SLC38A6: variants seen among roughly 807,000 people sequenced by gnomAD.
The protein encoded by SLC38A6 is solute carrier family 38 member 6.
In SLC38A6, 73 loss-of-function variants were observed where a neutral mutation model predicts 65.0. That is an observed-to-expected ratio of 1.12 (90% CI 0.93 to 1.37). The LOEUF is 1.37. SLC38A6 is among the 40% of genes most tolerant of loss of function. SLC38A6 has a pLI of 0.00. For missense variants in SLC38A6, 561 were observed against 531.1 expected (o/e 1.06, Z -0.55); for synonymous variants, 183 against 178.8 (o/e 1.02, Z -0.19).
At chr14:61,014,925 A>G (rs2039879956) in intron 3 of SLC38A6, among the ~76,000 whole-genome samples, 1 of 152,182 alleles carries the variant, frequency 6.6e-6, no homozygotes, top group African/African-American at 2.4e-5. Flanking sequence ...AGACAGAGAC[A>G]TTTAAGTCTG....
Position 60,981,789 on chromosome 14 carries a change from A to T in SLC38A6, c.105+407A>T, listed in dbSNP as rs947366216. The stretch of plus-strand genomic sequence containing the variant: ...TTCCGACTTAGTCATGGGGGGAGGG[A>T]AAATAATAAACATTTTAATACAGAA... On this transcript the variant is annotated intron_variant, in intron 1 of 15. Transcript: ENST00000267488. 1.1e-4 allele frequency: 132 copies of T among 1,164,104 alleles called. 1 individual carries two copies. The highest frequency in any genetic ancestry group is 1.4e-4 in the Non-Finnish European group (123 of 877,858). The allele number at this position is 1,164,104 out of a possible 1,614,324, so 72.1% of individuals were successfully genotyped here. A position where few individuals can be genotyped will look rare whatever the true frequency, so the allele number is the denominator to read the frequency against.
At chr14:61,013,230 T>G (rs1040621997) in intron 3 of SLC38A6, among the ~76,000 whole-genome samples, 1 of 152,206 alleles carries the variant, frequency 6.6e-6, no homozygotes, top group African/African-American at 2.4e-5. Context: ...TGTTTTCCGT[T>G]TGCTTGGTAG....
At chr14:61,061,859 A>G (rs1413852275) in intron 15 of SLC38A6, among the ~76,000 whole-genome samples, 1 of 151,306 alleles carries the variant, frequency 6.6e-6, no homozygotes, top group Non-Finnish European at 1.5e-5. Context: ...TTGTTTTGAG[A>G]CAGAGTCTTA....
At position 61,030,520 on chromosome 14, in the gene SLC38A6, G is replaced by A. The variant is rs759091686; in HGVS notation, c.479G>A (p.Ser160Asn). ...AIAEFLTGDY[S>N]RYWYLDGQTL... The stretch of plus-strand genomic sequence containing the variant: ...GCAGAATTTTTGACTGGAGACTATA[G>A]TAGGTAAGAAAAAGTATTTTACATT... Residue 160 changes from serine (S) to asparagine (N), a missense_variant, in exon 6 of 16, where the codon AGT becomes AAT. Transcript: ENST00000267488. 3 of 1,600,674 alleles carry A rather than the reference G, an allele frequency of 1.9e-6. No homozygotes were observed. In the East Asian group the frequency reaches 6.7e-5, roughly 36 times the overall value.
intron 5 of SLC38A6, among the ~76,000 whole-genome samples, chr14:61,022,192 T>C (rs1335346297): frequency 6.6e-6 from 1 of 152,138 alleles, no homozygotes; most frequent in Non-Finnish European, 1.5e-5. Flanking sequence ...CAAAAGATGA[T>C]TTGGCCCTTT....
At chr14:60,993,100 G>A (rs1303120969) in intron 3 of SLC38A6, among the ~76,000 whole-genome samples, 2 of 152,054 alleles carry the variant, frequency 1.3e-5, no homozygotes, top group Non-Finnish European at 2.9e-5. Flanking sequence ...TGCCCACCTC[G>A]GCCTCCCAAA....
In SLC38A6 at chr14:60,982,496, G is replaced by A; in HGVS notation, c.106-12G>A. The A allele has an allele frequency of 6.2e-7, 1 of 1,601,802 alleles. No individual in the cohort carries two copies. The highest frequency in any genetic ancestry group is 8.5e-7 in the Non-Finnish European group (1 of 1,176,528). On this transcript the variant is annotated splice_polypyrimidine_tract_variant and intron_variant, in intron 1 of 15. Coordinates refer to ENST00000267488, the MANE Select transcript of SLC38A6 (RefSeq NM_153811.3). ...CCAAACATTTAACACTACTAAATTTGTGTGCTTACAGGAACTTCACAGACA... is the reference window on the plus strand; with the variant it reads ...CCAAACATTTAACACTACTAAATTTATGTGCTTACAGGAACTTCACAGACA...
At chr14:61,070,991 A>G (rs1179809765) in intron 15 of SLC38A6, among the ~76,000 whole-genome samples, 1 of 151,906 alleles carries the variant, frequency 6.6e-6, no homozygotes, top group Admixed American at 6.6e-5. Flanking sequence ...TCTCCTTAAG[A>G]TTTTTATTCT....
chr14:61,068,273 C>T (rs1256727380), intron 15 of SLC38A6, among the ~76,000 whole-genome samples: 2 of 152,142 alleles, frequency 1.3e-5, no homozygotes, highest in Non-Finnish European at 2.9e-5. Flanking sequence ...TTCTTGCTTC[C>T]ATTCCTGCTA....
At chr14:61,023,686 T>A (rs1055168302) in intron 5 of SLC38A6, among the ~76,000 whole-genome samples, 2 of 151,774 alleles carry the variant, frequency 1.3e-5, no homozygotes, top group African/African-American at 2.4e-5. Context: ...AACTCTCTTA[T>A]TCTTTGTAAC....
At chr14:61,080,919 G>A (rs1332863529) in intron 16 of SLC38A6, among the ~76,000 whole-genome samples, 3 of 152,206 alleles carry the variant, frequency 2.0e-5, no homozygotes, top group Non-Finnish European at 2.9e-5. Flanking sequence ...TCAGCGCGAG[G>A]GAGGTCAGGA....
At position 61,052,540 on chromosome 14, in the gene SLC38A6, A is replaced by G. The variant is rs2042568094; in HGVS notation, c.*111A>G. 6 of 1,401,060 alleles carry G rather than the reference A, an allele frequency of 4.3e-6. No individual in the cohort carries two copies. The South Asian group carries it at 8.2e-5, about 19-fold the overall frequency. 86.8% of individuals were successfully genotyped at this position (1,401,060 alleles called of 1,614,324 possible). On this transcript the variant is annotated 3_prime_UTR_variant, in exon 16 of 16. Transcript: ENST00000267488. ...TAACATTTTAATAAAAATTATTAAC[A>G]GAAAAGCAGAACAAAATGGCAGTGG...
chr14:61,052,517 A>G lies in SLC38A6; in HGVS notation c.*88A>G. On this transcript the variant is annotated 3_prime_UTR_variant, in exon 16 of 16. Coordinates refer to ENST00000267488, the MANE Select transcript of SLC38A6 (RefSeq NM_153811.3). ...CGGAAGACACCCTGGATGAAAAATAACATTTTAATAAAAATTATTAACAGA... is the reference window on the plus strand; with the variant it reads ...CGGAAGACACCCTGGATGAAAAATAGCATTTTAATAAAAATTATTAACAGA... 6.9e-7 allele frequency: 1 copy of G among 1,448,670 alleles called. No individual in the cohort carries two copies. Among genetic ancestry groups the G allele is most frequent in the Non-Finnish European group, 9.0e-7 (1 of 1,107,098 alleles). 89.7% of individuals were successfully genotyped at this position (1,448,670 alleles called of 1,614,324 possible).
In SLC38A6 at chr14:60,982,524, G is replaced by C. The variant is rs767975089; in HGVS notation, c.122G>C (p.Arg41Pro). 5 of 1,610,922 alleles carry C rather than the reference G, an allele frequency of 3.1e-6. No individual in the cohort carries two copies. The highest frequency in any genetic ancestry group is 4.2e-6 in the Non-Finnish European group (5 of 1,179,308). ...PLLSNELHRQ[R>P]SPGVSFGLSV... ...TGCTTACAGGAACTTCACAGACAGC[G>C]ATCCCCAGGTGTTTCATTTGGTTTA... is the stretch of plus-strand genomic sequence containing the variant. The change falls in exon 2 of 16, where the codon CGA becomes CCA. Residue 41 changes from arginine (R) to proline (P), a missense_variant. Transcript: ENST00000267488.
At chr14:61,046,724 A>G (rs969401726) in intron 12 of SLC38A6, among the ~76,000 whole-genome samples, 8 of 152,182 alleles carry the variant, frequency 5.3e-5, no homozygotes, top group Non-Finnish European at 8.8e-5. Context: ...TTATGCAACA[A>G]AAATAAAATT....
chr14:61,063,729 A>G (rs2042933947), intron 15 of SLC38A6, among the ~76,000 whole-genome samples: 1 of 152,164 alleles, frequency 6.6e-6, no homozygotes, highest in Admixed American at 6.5e-5. Context: ...ACTGGAGAAC[A>G]GTGTAGTGTA....
At chr14:61,016,162 A>G (rs1396906127) in intron 4 of SLC38A6, among the ~76,000 whole-genome samples, 2 of 152,226 alleles carry the variant, frequency 1.3e-5, no homozygotes, top group Non-Finnish European at 2.9e-5. Flanking sequence ...ATTTAATTCA[A>G]TGCTTGAATC....
At chr14:61,003,987 T>TA (rs952643823) in intron 3 of SLC38A6, among the ~76,000 whole-genome samples, 11 of 151,976 alleles carry the variant, frequency 7.2e-5, no homozygotes, top group African/African-American at 9.6e-5. Context: ...CTTATAAAAC[T>TA]AAAAAAAATA....
chr14:61,054,383 T>C (rs1323165294), downstream of SLC38A6, among the ~76,000 whole-genome samples: 1 of 152,222 alleles, frequency 6.6e-6, no homozygotes, highest in East Asian at 1.9e-4. Flanking sequence ...ATATGAATTT[T>C]AAAATAGTTT....
Sources: allele counts gnomAD v4.1 joint callset (sites outside exome capture counted in the v4.1 genomes callset), GRCh38; gene constraint gnomAD v4.1.1; transcripts MANE v1.5; gene names NCBI Gene and HGNC (gene_info 2026-07-23, HGNC 2026-07-21).